SLFN13: variants seen among roughly 807,000 people sequenced by gnomAD.
The protein encoded by SLFN13 is schlafen-13.
A neutral mutation model predicts 50.6 loss-of-function variants in SLFN13; 43 were observed. The observed-to-expected ratio is 0.85, with a 90% CI of 0.67 to 1.09. The LOEUF is 1.09. SLFN13 is among the 50% of genes least tolerant of loss of function. The pLI is 0.00. For synonymous variants in SLFN13, 339 were observed against 386.5 expected (o/e 0.88, Z 1.44); for missense variants, 881 against 1,071.1 (o/e 0.82, Z 2.48).
At position 35,438,565 on chromosome 17, in the gene SLFN13, T is replaced by C. The variant is rs1340142862; in HGVS notation, c.*2030A>G. 1 of 152,118 alleles carries C rather than the reference T, an allele frequency of 6.6e-6. No individual in the cohort carries two copies. Among genetic ancestry groups the C allele is most frequent in the East Asian group, 1.9e-4 (1 of 5,200 alleles). The allele number at this position is 152,118 out of a possible 1,614,324, so 9.4% of individuals were successfully genotyped here. A position where few individuals can be genotyped will look rare whatever the true frequency, so the allele number is the denominator to read the frequency against. On this transcript the variant is annotated 3_prime_UTR_variant, in exon 6 of 6. Transcript: ENST00000285013. Reference sequence around the variant, plus strand: ...AAGATAGCTTTTTGGTGCTGAGCTGTATCTCATTTAATGCAGCCAGAAAGA... The same window carrying C: ...AAGATAGCTTTTTGGTGCTGAGCTGCATCTCATTTAATGCAGCCAGAAAGA...
intron 4 of SLFN13, among the ~76,000 whole-genome samples, chr17:35,442,668 C>G (rs1334457209): frequency 2.0e-5 from 3 of 152,192 alleles, no homozygotes; most frequent in Non-Finnish European, 2.9e-5. Flanking sequence ...TGGTCTCGAT[C>G]TCCTGACCTC....
upstream of SLFN13, among the ~76,000 whole-genome samples, chr17:35,449,405 C>T (rs754586533): frequency 4.3e-4 from 66 of 152,232 alleles, no homozygotes; most frequent in Middle Eastern, 0.01. Context: ...CTCTGAGGGT[C>T]CAGCCAAGCT....
intron 3 of SLFN13, 70 bp downstream of exon 3, chr17:35,444,545 G>T: frequency 7.3e-7 from 1 of 1,363,978 alleles, no homozygotes; most frequent in Non-Finnish European, 1.0e-6. Flanking sequence ...CAAGCTTAGA[G>T]AATAAAGAAG....
Position 35,445,632 on chromosome 17 carries a change from G to A in SLFN13, c.49C>T (p.Leu17=). 6.2e-7 allele frequency: 1 copy of A among 1,614,032 alleles called. No homozygotes were observed. ...SLGVYPSYPD[L]VIDVGEVTLG... is the part of the protein sequence containing the mutation. ...GTCACTTCTCCGACATCGATGACCA[G>A]GTCTGGGTAAGATGGATACACACCC... Residue 17 remains leucine (L), a synonymous_variant, in exon 3 of 6, where the codon CTG becomes TTG. Coordinates refer to ENST00000285013, the MANE Select transcript of SLFN13 (RefSeq NM_144682.6).
rs540091399 is a variant in SLFN13, at chr17:35,436,172, C to T, written c.*4423G>A. The T allele has an allele frequency of 2.0e-5, 3 of 152,168 alleles. No homozygotes were observed. In the South Asian group the frequency reaches 6.2e-4, roughly 32 times the overall value. 9.4% of individuals were successfully genotyped at this position (152,168 alleles called of 1,614,324 possible). Reference sequence around the variant, plus strand: ...ATTAGTTAGGAACTGTTTCCTCTTTCTAGGAAAGCATTTGAATAAGACTGA... The same window carrying T: ...ATTAGTTAGGAACTGTTTCCTCTTTTTAGGAAAGCATTTGAATAAGACTGA... On this transcript the variant is annotated 3_prime_UTR_variant, in exon 6 of 6. Transcript: ENST00000285013.
At chr17:35,448,587 G>GC (rs963515556) in intron 1 of SLFN13, 135 bp downstream of exon 1, 7 of 152,656 alleles carry the variant, frequency 4.6e-5, no homozygotes, top group African/African-American at 1.4e-4. Flanking sequence ...GCCGGAGCTG[G>GC]GGGGCGGGGG....
Position 35,445,426 on chromosome 17 carries a change from CT to C in SLFN13, c.254del (p.Lys85SerfsTer61). ...MGLDLEESLR[K>X]LIQYPYLQAF... ...CCTGCAAATATGGATACTGAATAAG[CT>C]TTCTCAAGGATTCTTCTAAATCCAG... is the stretch of plus-strand genomic sequence containing the variant. On this transcript the variant is annotated frameshift_variant, in exon 3 of 6. Coordinates refer to ENST00000285013, the MANE Select transcript of SLFN13 (RefSeq NM_144682.6). LOFTEE classifies it high-confidence loss of function. The C allele has an allele frequency of 6.2e-7, 1 of 1,614,168 alleles. No homozygotes were observed. The highest frequency in any genetic ancestry group is 8.5e-7 in the Non-Finnish European group (1 of 1,180,030).
rs115889903 is a variant in SLFN13, at chr17:35,445,227, C to T, written c.454G>A (p.Asp152Asn). Residue 152 changes from aspartate to asparagine, a missense_variant, in exon 3 of 6, where the codon GAT becomes AAT. Physicochemically the swap from Asp to Asn is conservative, Grantham distance 23. Around this residue, in one of 5 missense-constraint regions of SLFN13, gnomAD observed 497 missense variants for 518.3 expected, o/e 0.96. Transcript: ENST00000285013. ...TGTCTTTCCTTGGTCTTCAGGAAAT[C>T]GAATGCCTGTCTTGAATTCATGTGA... ...VLHMNSRQAF[D>N]FLKTKERQSK... 6.5e-3 allele frequency: 10,560 copies of T among 1,613,852 alleles called. 48 individuals are homozygous for T. Among genetic ancestry groups the T allele is most frequent in the Non-Finnish European group, 7.2e-3 (8,531 of 1,179,990 alleles).
rs540091399 is a variant in SLFN13 at position 35,436,172 on chromosome 17, C to G, written c.*4423G>C. On this transcript the variant is annotated 3_prime_UTR_variant, in exon 6 of 6. Transcript: ENST00000285013. ...ATTAGTTAGGAACTGTTTCCTCTTT[C>G]TAGGAAAGCATTTGAATAAGACTGA... 6.6e-6 allele frequency: 1 copy of G among 152,050 alleles called. No homozygotes were observed. Among genetic ancestry groups the G allele is most frequent in the African/African-American group, 2.4e-5 (1 of 41,406 alleles). 9.4% of individuals were successfully genotyped at this position (152,050 alleles called of 1,614,324 possible).
Position 35,440,793 on chromosome 17 carries a change from C to T in SLFN13, c.2496G>A (p.Lys832=). Residue 832 remains lysine, a synonymous_variant, in exon 6 of 6, where the codon AAG becomes AAA. Coordinates refer to ENST00000285013, the MANE Select transcript of SLFN13 (RefSeq NM_144682.6). ...CATCACTGAGCTGCACCACCATTTT[C>T]TTCCTCATTGCTTTCAAGAGCTTAG... ...YQSKLLKAMR[K]KMVVQLSDAC... is the part of the protein sequence containing the mutation. The T allele has an allele frequency of 6.2e-7, 1 of 1,614,058 alleles. No homozygotes were observed. The highest frequency in any genetic ancestry group is 8.5e-7 in the Non-Finnish European group (1 of 1,180,000).
At position 35,440,473 on chromosome 17, in the gene SLFN13, T is replaced by C. The variant is rs570713074; in HGVS notation, c.*122A>G. 78 of 1,222,720 alleles carry C rather than the reference T, an allele frequency of 6.4e-5. No homozygotes were observed. The African/African-American group carries it at 1.0e-3, about 16-fold the overall frequency. 75.7% of individuals were successfully genotyped at this position (1,222,720 alleles called of 1,614,324 possible). On this transcript the variant is annotated 3_prime_UTR_variant, in exon 6 of 6. Coordinates refer to ENST00000285013, the MANE Select transcript of SLFN13 (RefSeq NM_144682.6). ...ATGGGGGAGCTCCAAACTCTTTGTGTCAGCTCTGTCCAAATCTCTAACTGA... is the reference window on the plus strand; with the variant it reads ...ATGGGGGAGCTCCAAACTCTTTGTGCCAGCTCTGTCCAAATCTCTAACTGA...
chr17:35,441,522 A>G (rs763922097), intron 5 of SLFN13, 41 bp downstream of exon 5: 35 of 1,610,938 alleles, frequency 2.2e-5, no homozygotes, highest in Middle Eastern at 1.6e-4. Flanking sequence ...AATTAAACCC[A>G]GATTAAATAA....
rs1452783490 is a variant in SLFN13 at position 35,436,068 on chromosome 17, T to C, written c.*4527A>G. On this transcript the variant is annotated 3_prime_UTR_variant, in exon 6 of 6. Transcript: ENST00000285013. ...AGAATTTTTCATGTAGATATTTGAG[T>C]GATAATTGAGTGACCTGCAATTTTC... 1 of 152,186 alleles carries C rather than the reference T, an allele frequency of 6.6e-6. No individual in the cohort carries two copies. Among genetic ancestry groups the C allele is most frequent in the African/African-American group, 2.4e-5 (1 of 41,462 alleles). The allele number at this position is 152,186 out of a possible 1,614,324, so 9.4% of individuals were successfully genotyped here. A position where few individuals can be genotyped will look rare whatever the true frequency, so the allele number is the denominator to read the frequency against.
chr17:35,444,312 A>G (rs1056740220), intron 3 of SLFN13, among the ~76,000 whole-genome samples: 1 of 152,244 alleles, frequency 6.6e-6, no homozygotes, highest in Non-Finnish European at 1.5e-5. Context: ...TTTTATGCTA[A>G]TCTGAGGTAC....
rs921321042 is a variant in SLFN13 at position 35,436,948 on chromosome 17, A to G, written c.*3647T>C. 3 of 152,158 alleles carry G rather than the reference A, an allele frequency of 2.0e-5. No homozygotes were observed. Among genetic ancestry groups the G allele is most frequent in the African/African-American group, 4.8e-5 (2 of 41,448 alleles). 9.4% of individuals were successfully genotyped at this position (152,158 alleles called of 1,614,324 possible). A position where few individuals can be genotyped will look rare whatever the true frequency, so the allele number is the denominator to read the frequency against. Reference sequence around the variant, plus strand: ...TAATTCAATAAAGTCTACAGATTAGATAATAGTATCAGGGTTAATTTACTG... The same window carrying G: ...TAATTCAATAAAGTCTACAGATTAGGTAATAGTATCAGGGTTAATTTACTG... On this transcript the variant is annotated 3_prime_UTR_variant, in exon 6 of 6. Coordinates refer to ENST00000285013, the MANE Select transcript of SLFN13 (RefSeq NM_144682.6).
In SLFN13 at chr17:35,441,206, G is replaced by A. The variant is rs1286558336; in HGVS notation, c.2083C>T (p.Pro695Ser). The change falls in exon 6 of 6, where the codon CCA (proline) becomes TCA (serine). Residue 695 changes from proline to serine, a missense_variant. Physicochemically the swap from Pro to Ser is moderately conservative, Grantham distance 74. Transcript: ENST00000285013. ...KTITQREKDC[P>S]GVLWIFLDYF... ...TCCAGAAAGATCCAGAGAACTCCTG[G>A]ACAATCCTTTTCTCTCTGAGTGATG... The A allele has an allele frequency of 1.2e-6, 2 of 1,613,906 alleles. No homozygotes were observed. The highest frequency in any genetic ancestry group is 1.7e-6 in the Non-Finnish European group (2 of 1,179,998).
Position 35,438,337 on chromosome 17 carries a change from AG to A in SLFN13, c.*2257del, listed in dbSNP as rs1912698774. ...AAACATTTCCTCATCATATGGAAAA[AG>A]AAGAAAGCATCAGTAATCCTCTTTG... On this transcript the variant is annotated 3_prime_UTR_variant, in exon 6 of 6. Coordinates refer to ENST00000285013, the MANE Select transcript of SLFN13 (RefSeq NM_144682.6). The A allele has an allele frequency of 6.6e-6, 1 of 151,972 alleles. No homozygotes were observed. The highest frequency in any genetic ancestry group is 6.5e-5 in the Admixed American group (1 of 15,270). 9.4% of individuals were successfully genotyped at this position (151,972 alleles called of 1,614,324 possible). A position where few individuals can be genotyped will look rare whatever the true frequency, so the allele number is the denominator to read the frequency against.
Position 35,437,195 on chromosome 17 carries a change from A to T in SLFN13, c.*3400T>A, listed in dbSNP as rs1418716012. 1 of 152,062 alleles carries T rather than the reference A, an allele frequency of 6.6e-6. No individual in the cohort carries two copies. The highest frequency in any genetic ancestry group is 2.4e-5 in the African/African-American group (1 of 41,430). The allele number at this position is 152,062 out of a possible 1,614,324, so 9.4% of individuals were successfully genotyped here. ...CTAATTTTAAACTTTTGATTGTTTT[A>T]TTATTATTTTGTTAGACATGGGGTC... On this transcript the variant is annotated 3_prime_UTR_variant, in exon 6 of 6. Transcript: ENST00000285013.
intron 4 of SLFN13, among the ~76,000 whole-genome samples, chr17:35,442,770 T>C (rs1912991083): frequency 6.6e-6 from 1 of 152,170 alleles, no homozygotes; most frequent in African/African-American, 2.4e-5. Flanking sequence ...ACCCACAACC[T>C]ACAAATCTGG....
Sources: gnomAD v4.1 joint callset for allele counts (sites outside exome capture counted in the v4.1 genomes callset) on GRCh38, gnomAD v4.1.1 for gene constraint, gnomAD v4.1.1 regional missense constraint, MANE v1.5 for transcripts, NCBI Gene and HGNC (gene_info 2026-07-23, HGNC 2026-07-21) for gene names.